The following C8orf34 variants were observed in gnomAD, a reference collection of about 807,000 sequenced individuals.
C8orf34 encodes uncharacterized protein C8orf34.
A neutral mutation model predicts 68.3 loss-of-function variants in C8orf34; 65 were observed. The ratio of observed to expected loss-of-function variants is 0.95; its 90% CI spans 0.78 to 1.17. The LOEUF is 1.17. C8orf34 is among the 50% of genes most tolerant of loss of function. The pLI is 0.00. For missense variants in C8orf34, 664 were observed against 655.4 expected (o/e 1.01, Z -0.14); for synonymous variants, 244 against 241.2 (o/e 1.01, Z -0.11).
chr8:68,489,179 G>A (rs967517416), intron 5 of C8orf34, among the ~76,000 whole-genome samples: 1 of 152,122 alleles, frequency 6.6e-6, no homozygotes, highest in African/African-American at 2.4e-5. Flanking sequence ...TCAATCTGTT[G>A]TGATATGTTG....
chr8:68,736,508 CTTGT>C (rs1822126368), intron 10 of C8orf34, among the ~76,000 whole-genome samples: 6 of 151,992 alleles, frequency 3.9e-5, no homozygotes, highest in Admixed American at 3.9e-4. Flanking sequence ...TTACTTTACC[CTTGT>C]TTGATATGAG....
At chr8:68,411,261 A>T (rs1264370332) in intron 1 of C8orf34, among the ~76,000 whole-genome samples, 2 of 152,202 alleles carry the variant, frequency 1.3e-5, no homozygotes, top group Non-Finnish European at 2.9e-5. Context: ...CATGAACTGC[A>T]TGGTTTCTAA....
intron 1 of C8orf34, among the ~76,000 whole-genome samples, chr8:68,387,941 C>G (rs1379711787): frequency 6.6e-6 from 1 of 152,180 alleles, no homozygotes; most frequent in African/African-American, 2.4e-5. Context: ...GAGCTGTCTT[C>G]TCTTGTTGCA....
At chr8:68,415,545 C>T (rs1323601019) in intron 1 of C8orf34, among the ~76,000 whole-genome samples, 1 of 152,102 alleles carries the variant, frequency 6.6e-6, no homozygotes, top group East Asian at 1.9e-4. Flanking sequence ...CAGGAGATTG[C>T]ATGCAGTAGT....
chr8:68,418,472 A>G (rs964279337), intron 1 of C8orf34, among the ~76,000 whole-genome samples: 6 of 152,104 alleles, frequency 3.9e-5, no homozygotes, highest in African/African-American at 1.4e-4. Flanking sequence ...ACGTCCCATC[A>G]ATACCTAATT....
At chr8:68,576,252 T>TC (rs1488398961) in intron 7 of C8orf34, among the ~76,000 whole-genome samples, 8 of 148,456 alleles carry the variant, frequency 5.4e-5, no homozygotes, top group African/African-American at 1.8e-4. Flanking sequence ...ACATTGTAAT[T>TC]ATGTAGATGT....
intron 10 of C8orf34, among the ~76,000 whole-genome samples, chr8:68,743,494 G>T (rs966225711): frequency 1.3e-5 from 2 of 152,074 alleles, no homozygotes; most frequent in African/African-American, 4.8e-5. Context: ...GTGGGTGCAG[G>T]TCAGTGGGTG....
chr8:68,792,571 C>CAAAAAAAAAAAAAAAAAAAAAAAAAA (rs1162293308), intron 12 of C8orf34: 3 of 42,276 alleles, frequency 7.1e-5, no homozygotes, highest in African/African-American at 2.1e-4. Context: ...GACTCCATCT[C>CAAAAAAAAAAAAAAAAAAAAAAAAAA]AAAAAAAAAA....
chr8:68,719,229 A>G (rs1337126714), intron 9 of C8orf34, among the ~76,000 whole-genome samples: 2 of 152,112 alleles, frequency 1.3e-5, no homozygotes, highest in East Asian at 3.9e-4. Context: ...ATTTGGCAGT[A>G]TCCATTTGAC....
At chr8:68,781,652 T>G (rs1391236425) in intron 11 of C8orf34, among the ~76,000 whole-genome samples, 1 of 152,190 alleles carries the variant, frequency 6.6e-6, no homozygotes. Flanking sequence ...GGGTTGAGCT[T>G]TAGACATACA....
At chr8:68,658,263 G>C (rs954081089) in intron 8 of C8orf34, among the ~76,000 whole-genome samples, 2 of 152,070 alleles carry the variant, frequency 1.3e-5, no homozygotes, top group Admixed American at 6.6e-5. Context: ...TAAACTTTTA[G>C]ATCTTGCATG....
intron 7 of C8orf34, among the ~76,000 whole-genome samples, chr8:68,578,857 T>C (rs1242286234): frequency 2.0e-5 from 3 of 152,060 alleles, no homozygotes; most frequent in African/African-American, 7.2e-5. Context: ...AAGGAAACAA[T>C]ACTATATTGT....
At chr8:68,372,645 A>G (rs1807610547) in intron 1 of C8orf34, among the ~76,000 whole-genome samples, 1 of 152,348 alleles carries the variant, frequency 6.6e-6, no homozygotes, top group African/African-American at 2.4e-5. Context: ...ATACATGTGC[A>G]GAATGTGCAG....
intron 6 of C8orf34, among the ~76,000 whole-genome samples, chr8:68,522,355 T>C (rs1220003368): frequency 1.3e-5 from 2 of 152,120 alleles, no homozygotes; most frequent in Non-Finnish European, 2.9e-5. Flanking sequence ...TCAGGGATAA[T>C]AAAATTATTA....
chr8:68,539,376 G>A (rs1409142387), intron 7 of C8orf34, among the ~76,000 whole-genome samples: 1 of 152,098 alleles, frequency 6.6e-6, no homozygotes, highest in Non-Finnish European at 1.5e-5. Flanking sequence ...GTGCAAAGAA[G>A]TGTAATTAAT....
chr8:68,371,754 C>A (rs1421197538), intron 1 of C8orf34, among the ~76,000 whole-genome samples: 1 of 152,046 alleles, frequency 6.6e-6, no homozygotes, highest in Non-Finnish European at 1.5e-5. Context: ...CATGCACCAC[C>A]ACACCCAGCT....
intron 6 of C8orf34, among the ~76,000 whole-genome samples, chr8:68,531,547 A>T (rs944727554): frequency 1.3e-5 from 2 of 152,170 alleles, no homozygotes; most frequent in African/African-American, 4.8e-5. Flanking sequence ...CTTTCTTATT[A>T]TATCATATTA....
chr8:68,518,237 C>G (rs1354573340), intron 5 of C8orf34, among the ~76,000 whole-genome samples: 1 of 152,136 alleles, frequency 6.6e-6, no homozygotes, highest in Non-Finnish European at 1.5e-5. Flanking sequence ...GGTCATGTCC[C>G]TTGGTGAGAC....
intron 9 of C8orf34, among the ~76,000 whole-genome samples, chr8:68,713,959 C>G (rs752258847): frequency 6.6e-6 from 1 of 152,106 alleles, no homozygotes; most frequent in African/African-American, 2.4e-5. Context: ...AAGTGGGTTT[C>G]ATATCAGGGA....
Sources: allele counts gnomAD v4.1 joint callset (sites outside exome capture counted in the v4.1 genomes callset), GRCh38; gene constraint gnomAD v4.1.1; transcripts MANE v1.5; gene names NCBI Gene and HGNC (gene_info 2026-07-23, HGNC 2026-07-21).